RPS6KA5: variants seen among roughly 807,000 people sequenced by gnomAD.
The protein encoded by RPS6KA5 is ribosomal protein S6 kinase A5.
A neutral mutation model predicts 85.5 loss-of-function variants in RPS6KA5; 27 were observed. The ratio of observed to expected loss-of-function variants is 0.32; its 90% CI spans 0.23 to 0.44. The LOEUF (loss-of-function observed/expected upper bound fraction) is 0.44, where lower values mean the gene tolerates loss of function less well. Ranked by LOEUF, RPS6KA5 falls within the 20% of genes least tolerant of loss-of-function variation. RPS6KA5 has a pLI of 1.00. For synonymous variants in RPS6KA5, 334 were observed against 348.2 expected (o/e 0.96, Z 0.46); for missense variants, 811 against 980.9 (o/e 0.83, Z 2.31).
At chr14:91,048,191 G>A (rs2139930491) in intron 1 of RPS6KA5, among the ~76,000 whole-genome samples, 1 of 151,966 alleles carries the variant, frequency 6.6e-6, no homozygotes, top group Admixed American at 6.6e-5. Context: ...ATAGTACTAG[G>A]AAAATCTACA....
chr14:91,034,569 C>T (rs1476979598), intron 1 of RPS6KA5, among the ~76,000 whole-genome samples: 1 of 152,080 alleles, frequency 6.6e-6, no homozygotes, highest in Non-Finnish European at 1.5e-5. Flanking sequence ...TAAAATGGAC[C>T]AATCGGTACT....
Position 90,920,285 on chromosome 14 carries a change from C to A in RPS6KA5, c.727G>T (p.Val243Phe), listed in dbSNP as rs967260755. The A allele has an allele frequency of 6.2e-7, 1 of 1,610,586 alleles. No individual in the cohort carries two copies. The highest frequency in any genetic ancestry group is 8.5e-7 in the Non-Finnish European group (1 of 1,177,488). Residue 243 changes from valine (V) to phenylalanine (F), a missense_variant, in exon 7 of 17, where the codon GTT (valine) becomes TTT (phenylalanine). This residue lies in a region of RPS6KA5 where 650 missense variants were observed against 793.4 expected (regional missense o/e 0.82). Coordinates refer to ENST00000614987, the MANE Select transcript of RPS6KA5 (RefSeq NM_004755.4). ...DKAVDWWSLG[V>F]LMYELLTGAS... ...CCAGTTAGTAATTCATACATTAGAA[C>A]ACCCAAACTCCACCAGTCAACTGCC...
At chr14:90,928,843 T>C (rs1475020916) in intron 5 of RPS6KA5, among the ~76,000 whole-genome samples, 1 of 151,628 alleles carries the variant, frequency 6.6e-6, no homozygotes, top group Non-Finnish European at 1.5e-5. Flanking sequence ...CCATTCTAAA[T>C]CCATTTCATG....
rs536684697 is a variant in RPS6KA5 at position 90,893,211 on chromosome 14, T to C, written c.1644+1202A>G. On this transcript the variant is annotated intron_variant, in intron 13 of 16. Coordinates refer to ENST00000614987, the MANE Select transcript of RPS6KA5 (RefSeq NM_004755.4). ...AGTGGTGTGCTTTCACATTTAAAAA[T>C]AGACAGCTAATCTCCAATGTACAGA... is the stretch of plus-strand genomic sequence containing the variant. Among the ~76,000 whole-genome samples, 304 of 152,300 alleles carry C rather than the reference T, an allele frequency of 2.0e-3. 3 individuals are homozygous for C. The highest frequency in any genetic ancestry group is 3.2e-3 in the Non-Finnish European group (218 of 68,026).
intron 4 of RPS6KA5, among the ~76,000 whole-genome samples, chr14:90,945,129 G>A (rs2037806959): frequency 6.6e-6 from 1 of 151,712 alleles, no homozygotes; most frequent in South Asian, 2.1e-4. Flanking sequence ...GCGCATGCCT[G>A]TTGTCCCAGC....
chr14:90,905,911 C>T (rs746907387), intron 8 of RPS6KA5, among the ~76,000 whole-genome samples: 8 of 151,908 alleles, frequency 5.3e-5, no homozygotes, highest in Non-Finnish European at 1.2e-4. Context: ...TATGATCCTC[C>T]CCACTCCCAC....
intron 1 of RPS6KA5, among the ~76,000 whole-genome samples, chr14:91,038,273 G>T (rs2042476615): frequency 6.6e-6 from 1 of 152,186 alleles, no homozygotes; most frequent in Non-Finnish European, 1.5e-5. Flanking sequence ...TGTCAAGGGT[G>T]TATGAGAGGT....
intron 3 of RPS6KA5, among the ~76,000 whole-genome samples, chr14:90,963,712 A>G (rs2038920721): frequency 6.6e-6 from 1 of 152,218 alleles, no homozygotes; most frequent in Non-Finnish European, 1.5e-5. Context: ...ATTTAAGCCA[A>G]TCAACTCCAG....
intron 6 of RPS6KA5, among the ~76,000 whole-genome samples, chr14:90,920,844 A>G (rs1403356462): frequency 1.3e-5 from 2 of 152,060 alleles, no homozygotes; most frequent in African/African-American, 4.8e-5. Flanking sequence ...ACCAATTTAT[A>G]CATGCAGTTA....
intron 5 of RPS6KA5, among the ~76,000 whole-genome samples, chr14:90,942,244 C>T (rs2037610967): frequency 6.6e-6 from 1 of 152,132 alleles, no homozygotes; most frequent in South Asian, 2.1e-4. Context: ...AAAAACCAAT[C>T]AGAAATAGAT....
At chr14:90,891,817 GT>G (rs1566700342) in intron 13 of RPS6KA5, among the ~76,000 whole-genome samples, 8 of 152,110 alleles carry the variant, frequency 5.3e-5, no homozygotes, top group Non-Finnish European at 1.0e-4. Flanking sequence ...TGATGGATGC[GT>G]GCTTGGGAGA....
intron 16 of RPS6KA5, 117 bp downstream of exon 16, chr14:90,873,515 G>A (rs1380617774): frequency 7.5e-6 from 7 of 939,234 alleles, no homozygotes; most frequent in African/African-American, 1.6e-5. Context: ...AAAAGTAAAA[G>A]GACACATATT....
At chr14:90,916,710 A>C (rs139435317) in intron 7 of RPS6KA5, among the ~76,000 whole-genome samples, 53 of 152,208 alleles carry the variant, frequency 3.5e-4, no homozygotes, top group African/African-American at 1.2e-3. Context: ...CAAAACCATG[A>C]AATTACAGGT....
At chr14:90,942,891 T>C (rs1039987472) in intron 5 of RPS6KA5, among the ~76,000 whole-genome samples, 187 bp downstream of exon 5, 1 of 152,232 alleles carries the variant, frequency 6.6e-6, no homozygotes, top group Non-Finnish European at 1.5e-5. Flanking sequence ...CATCAAGGTT[T>C]ACCGCAATTT....
At chr14:91,025,164 C>T (rs750715034) in intron 1 of RPS6KA5, among the ~76,000 whole-genome samples, 10 of 152,088 alleles carry the variant, frequency 6.6e-5, no homozygotes, top group Non-Finnish European at 1.2e-4. Context: ...CCTGTCTCAG[C>T]CCCCCGAGTA....
chr14:90,883,955 C>T (rs2034020391), intron 14 of RPS6KA5, among the ~76,000 whole-genome samples: 1 of 152,146 alleles, frequency 6.6e-6, no homozygotes, highest in African/African-American at 2.4e-5. Context: ...TAAGCAGTTG[C>T]TTTGGAATGT....
chr14:90,940,296 G>A (rs556323177), intron 5 of RPS6KA5, among the ~76,000 whole-genome samples: 98 of 152,174 alleles, frequency 6.4e-4, no homozygotes, highest in African/African-American at 2.1e-3. Context: ...ACTTCAGCTT[G>A]AACTCTCCTA....
chr14:91,054,462 C>A (rs1183647324), intron 1 of RPS6KA5, among the ~76,000 whole-genome samples: 2 of 150,138 alleles, frequency 1.3e-5, no homozygotes, highest in African/African-American at 2.5e-5. Flanking sequence ...CATGGTGAAA[C>A]CTCGTCTCTA....
chr14:90,921,854 A>C (rs2036416719), intron 6 of RPS6KA5, among the ~76,000 whole-genome samples: 1 of 152,220 alleles, frequency 6.6e-6, no homozygotes, highest in Non-Finnish European at 1.5e-5. Flanking sequence ...GGGGAACAAA[A>C]AGTAGAATAC....
Sources: allele counts gnomAD v4.1 joint callset (sites outside exome capture counted in the v4.1 genomes callset), GRCh38; gene constraint gnomAD v4.1.1; regional missense constraint gnomAD v4.1.1; transcripts MANE v1.5; gene names NCBI Gene and HGNC (gene_info 2026-07-23, HGNC 2026-07-21).